Variants in ITIH5 observed in about 807,000 individuals in gnomAD.
The protein encoded by ITIH5 is inter-alpha-trypsin inhibitor heavy chain H5.
Under a neutral mutation model 77.5 loss-of-function variants are expected in ITIH5, and 65 were observed. The ratio of observed to expected loss-of-function variants is 0.84; its 90% CI spans 0.69 to 1.03. The LOEUF (loss-of-function observed/expected upper bound fraction) is 1.03. Among genes scored for constraint, ITIH5 ranks in the 50% least tolerant of loss-of-function variants. The pLI, the probability that ITIH5 is intolerant of heterozygous loss-of-function variation, is 0.00. For synonymous variants in ITIH5, 525 were observed against 494.3 expected (o/e 1.06, Z -0.82); for missense variants, 1,208 against 1,213.1 (o/e 1.00, Z 0.06).
chr10:7,629,769 G>A (rs925999834), intron 5 of ITIH5, among the ~76,000 whole-genome samples: 1 of 152,146 alleles, frequency 6.6e-6, no homozygotes, highest in Admixed American at 6.5e-5. Context: ...TGTGAATACT[G>A]CTACTGTAGA....
intron 7 of ITIH5, among the ~76,000 whole-genome samples, chr10:7,605,533 ACC>A (rs767043819): frequency 2.2e-5 from 1 of 45,418 alleles, no homozygotes; most frequent in African/African-American, 7.0e-5. Flanking sequence ...CATACCTAGC[ACC>A]CCACCCCCAA....
rs781704459 is a variant in ITIH5, at chr10:7,640,814, C to T, written c.341G>A (p.Arg114Lys). The change falls in exon 4 of 14, where the codon AGA becomes AAA. Residue 114 changes from arginine to lysine, a missense_variant. Physicochemically the swap from Arg to Lys is conservative, Grantham distance 26. Coordinates refer to ENST00000397146, the MANE Select transcript of ITIH5 (RefSeq NM_030569.7). ...TACCCTATCACCACTCTTCTTTTCTCTCTCTGTAATTTCGCCCTGATACAC... is the reference window on the plus strand; with the variant it reads ...TACCCTATCACCACTCTTCTTTTCTTTCTCTGTAATTTCGCCCTGATACAC... ...DKVYQGEITEREKKSGDRVKE... is the reference protein window; with the variant it reads ...DKVYQGEITEKEKKSGDRVKE... 1.2e-4 allele frequency: 201 copies of T among 1,613,320 alleles called. No homozygotes were observed. The highest frequency in any genetic ancestry group is 6.6e-4 in the Middle Eastern group (4 of 6,084).
intron 8 of ITIH5, 62 bp downstream of exon 8, chr10:7,585,839 A>C: frequency 1.4e-6 from 2 of 1,439,718 alleles, no homozygotes; most frequent in Non-Finnish European, 1.9e-6. Flanking sequence ...AAAAAAAAAA[A>C]ACCAAAAAAA....
chr10:7,624,990 A>T (rs1438131827), intron 5 of ITIH5, among the ~76,000 whole-genome samples: 1 of 150,500 alleles, frequency 6.6e-6, no homozygotes, highest in Non-Finnish European at 1.5e-5. Context: ...AAGCATTTGA[A>T]TTCAACCAAA....
intron 13 of ITIH5, among the ~76,000 whole-genome samples, chr10:7,564,534 A>C (rs1403658349): frequency 6.6e-6 from 1 of 152,154 alleles, no homozygotes; most frequent in Non-Finnish European, 1.5e-5. Context: ...TAGTCCATGC[A>C]GTCACATGCT....
At chr10:7,602,968 T>C (rs1487677773) in intron 7 of ITIH5, among the ~76,000 whole-genome samples, 2 of 152,132 alleles carry the variant, frequency 1.3e-5, no homozygotes, top group Admixed American at 6.5e-5. Flanking sequence ...TTCCGTGTCC[T>C]ATTTGTCTTA....
intron 5 of ITIH5, among the ~76,000 whole-genome samples, chr10:7,625,746 C>G (rs1463968735): frequency 6.9e-6 from 1 of 145,174 alleles, no homozygotes; most frequent in Non-Finnish European, 1.5e-5. Context: ...GCCTGGGTAA[C>G]AGAGTGATAT....
At chr10:7,622,970 G>A (rs1340444144) in intron 5 of ITIH5, among the ~76,000 whole-genome samples, 1 of 152,222 alleles carries the variant, frequency 6.6e-6, no homozygotes, top group East Asian at 1.9e-4. Context: ...CAGAGTTGAA[G>A]AGAACAAAAC....
chr10:7,615,952 G>A, intron 7 of ITIH5, 30 bp downstream of exon 7: 1 of 1,312,286 alleles, frequency 7.6e-7, no homozygotes, highest in Non-Finnish European at 1.1e-6. Flanking sequence ...AAGCGAGAGA[G>A]GAATAAATGG....
rs1832429252 is a variant in ITIH5 at position 7,576,726 on chromosome 10, C to T, written c.1705G>A (p.Asp569Asn). Residue 569 changes from aspartate (D) to asparagine (N), a missense_variant, in exon 10 of 14, where the codon GAC (aspartate) becomes AAC (asparagine). Asp to Asn is a conservative substitution (Grantham distance 23). Transcript: ENST00000397146. ...CAGAGACGCTCGATGTGGTTGGTGT[C>T]CCCCTCTCCATCGCCTCCAGGCCTG... ...SPRPGGDGEG[D>N]TNHIERLWSY... is the part of the protein sequence containing the mutation. The T allele has an allele frequency of 6.2e-7, 1 of 1,613,802 alleles. No individual in the cohort carries two copies. Among genetic ancestry groups the T allele is most frequent in the Non-Finnish European group, 8.5e-7 (1 of 1,179,954 alleles).
chr10:7,643,174 C>A (rs1833916728), intron 2 of ITIH5, among the ~76,000 whole-genome samples: 2 of 152,182 alleles, frequency 1.3e-5, no homozygotes, highest in African/African-American at 2.4e-5. Context: ...CAGCTGTCTG[C>A]AAGCCAGGAC....
intron 5 of ITIH5, among the ~76,000 whole-genome samples, chr10:7,634,747 T>C (rs1344276215): frequency 6.6e-6 from 1 of 152,160 alleles, no homozygotes; most frequent in Non-Finnish European, 1.5e-5. Flanking sequence ...GACTCCCCTC[T>C]GAACCTTCTG....
At chr10:7,586,160 A>G (rs763337990) in intron 7 of ITIH5, 91 bp from the exon 8 acceptor site, 335 of 1,183,462 alleles carry the variant, frequency 2.8e-4, no homozygotes, top group Non-Finnish European at 3.3e-4. Context: ...CCCCAGGAAA[A>G]ATGTCAGGGT....
chr10:7,593,898 G>T (rs1832845521), intron 7 of ITIH5, among the ~76,000 whole-genome samples: 4 of 152,226 alleles, frequency 2.6e-5, no homozygotes, highest in Admixed American at 2.6e-4. Context: ...GTTAACCCTT[G>T]ACTTGCCTTC....
chr10:7,602,187 T>C (rs1033971500), intron 7 of ITIH5, among the ~76,000 whole-genome samples: 1 of 152,108 alleles, frequency 6.6e-6, no homozygotes. Context: ...ATCCTCCCTC[T>C]CTCTCTCCTC....
intron 9 of ITIH5, among the ~76,000 whole-genome samples, chr10:7,578,965 A>C (rs1353178947): frequency 6.6e-6 from 1 of 152,234 alleles, no homozygotes; most frequent in Non-Finnish European, 1.5e-5. Context: ...CTTCCAAATA[A>C]AAGTATCTTT....
chr10:7,659,835 G>A (rs1834246703), intron 1 of ITIH5, among the ~76,000 whole-genome samples: 1 of 152,198 alleles, frequency 6.6e-6, no homozygotes, highest in South Asian at 2.1e-4. Context: ...TGCCAGCTAG[G>A]ATTGGAAGTG....
chr10:7,628,728 CATGTTG>C, intron 5 of ITIH5, among the ~76,000 whole-genome samples: 1 of 118,056 alleles, frequency 8.5e-6, no homozygotes, highest in East Asian at 2.4e-4. Flanking sequence ...AGCGTGTGTC[CATGTTG>C]CAGCGTGTGT....
rs538401253 is a variant in ITIH5, at chr10:7,594,792, G to A, written c.940-8723C>T. Among the ~76,000 whole-genome samples the A allele has an allele frequency of 4.6e-5, 7 of 152,314 alleles. No individual in the cohort carries two copies. The East Asian group carries it at 1.4e-3, about 29-fold the overall frequency. ...CTCCTGGCTGGGAAGCCAGTGGGGA[G>A]GAATTAGCAAGTCTTGGGGAGAGTG... On this transcript the variant is annotated intron_variant, in intron 7 of 13. Transcript: ENST00000397146.
Sources: gnomAD v4.1 joint callset for allele counts (sites outside exome capture counted in the v4.1 genomes callset) on GRCh38, gnomAD v4.1.1 for gene constraint, MANE v1.5 for transcripts, NCBI Gene and HGNC (gene_info 2026-07-23, HGNC 2026-07-21) for gene names.